The following CFLAR variants were observed in gnomAD, a reference collection of about 807,000 sequenced individuals.
CFLAR encodes CASP8 and FADD-like apoptosis regulator.
A neutral mutation model predicts 51.1 loss-of-function variants in CFLAR; 14 were observed. That is an observed-to-expected ratio of 0.27 (90% confidence interval 0.18 to 0.43). The LOEUF (loss-of-function observed/expected upper bound fraction) is 0.43. Among genes scored for constraint, CFLAR ranks in the 20% least tolerant of loss-of-function variants. The pLI, the probability that CFLAR is intolerant of heterozygous loss-of-function variation, is 1.00. For synonymous variants in CFLAR, 210 were observed against 211.6 expected (o/e 0.99, Z 0.06); for missense variants, 390 against 566.5 (o/e 0.69, Z 3.16).
rs1942884744 is a variant in CFLAR, at chr2:201,160,655, G to A, written c.1017G>A (p.Met339Ile). ...SGLPLHHIRR[M>I]FMGDSCPYLA... ...TCCCCCTGCATCACATCAGGAGGATGTTCATGGGAGATTCATGCCCTTATC... is the reference window on the plus strand; with the variant it reads ...TCCCCCTGCATCACATCAGGAGGATATTCATGGGAGATTCATGCCCTTATC... Residue 339 changes from methionine (M) to isoleucine (I), a missense_variant, in exon 9 of 10, where the codon ATG (methionine) becomes ATA (isoleucine). Coordinates refer to ENST00000309955, the MANE Select transcript of CFLAR (RefSeq NM_003879.7). The A allele has an allele frequency of 6.2e-7, 1 of 1,614,014 alleles. No individual in the cohort carries two copies. Among genetic ancestry groups the A allele is most frequent in the African/African-American group, 1.3e-5 (1 of 74,890 alleles).
At position 201,175,360 on chromosome 2, in the gene CFLAR, A is replaced by G. The variant is rs1944153778; in HGVS notation, c.*11387A>G. On this transcript the variant is annotated 3_prime_UTR_variant, in exon 10 of 10. Transcript: ENST00000309955. The stretch of plus-strand genomic sequence containing the variant: ...TAAGTTTGGCTGGGCGCAGTGGCTC[A>G]TGCCTGTAATCCCAGGACTTTGGGA... 1.3e-5 allele frequency: 2 copies of G among 152,384 alleles called. No homozygotes were observed. The highest frequency in any genetic ancestry group is 6.5e-5 in the Admixed American group (1 of 15,280). 9.4% of individuals were successfully genotyped at this position (152,384 alleles called of 1,614,324 possible).
intron 4 of CFLAR, chr2:201,139,950 G>A (rs1938157888): frequency 9.9e-6 from 2 of 202,836 alleles, no homozygotes; most frequent in South Asian, 5.6e-5. Context: ...AGGTGTGGAG[G>A]GGCAACCCAC....
intron 5 of CFLAR, 177 bp downstream of exon 5, chr2:201,140,616 T>C (rs1315022271): frequency 3.6e-6 from 2 of 553,100 alleles, no homozygotes; most frequent in African/African-American, 3.9e-5. Context: ...ACATGTTCAT[T>C]GAGATATTTG....
intron 1 of CFLAR, among the ~76,000 whole-genome samples, chr2:201,122,992 C>T (rs752064044): frequency 3.3e-5 from 5 of 152,132 alleles, no homozygotes; most frequent in African/African-American, 7.2e-5. Context: ...ACTCTTGGCC[C>T]GTTAGTTACA....
intron 4 of CFLAR, chr2:201,139,966 C>A: frequency 4.2e-6 from 1 of 235,378 alleles, no homozygotes; most frequent in Non-Finnish European, 8.5e-6. Context: ...CCCACCCCTT[C>A]AGCGCAGTGA....
At chr2:201,154,922 A>G (rs1400808616) in intron 8 of CFLAR, among the ~76,000 whole-genome samples, 1 of 152,262 alleles carries the variant, frequency 6.6e-6, no homozygotes, top group Non-Finnish European at 1.5e-5. Context: ...AAATAAGGTT[A>G]TTCTTTGGTA....
chr2:201,137,870 G>T lies in CFLAR; in HGVS notation c.523+1763G>T, dbSNP rs953966001. On this transcript the variant is annotated intron_variant, in intron 4 of 9. Coordinates refer to ENST00000309955, the MANE Select transcript of CFLAR (RefSeq NM_003879.7). The stretch of plus-strand genomic sequence containing the variant: ...TTCCGTCTGAGAAGAAGCACTCGCC[G>T]GGGGCCTCCATGGTGGCGGCCAGCA... 4 of 828,782 alleles carry T rather than the reference G, an allele frequency of 4.8e-6. No individual in the cohort carries two copies. The Admixed American group carries it at 6.8e-5, about 14-fold the overall frequency. The allele number at this position is 828,782 out of a possible 1,614,324, so 51.3% of individuals were successfully genotyped here.
chr2:201,133,216 C>A, intron 3 of CFLAR, 82 bp downstream of exon 3: 1 of 1,014,570 alleles, frequency 9.9e-7, no homozygotes, highest in South Asian at 1.4e-5. Flanking sequence ...GAGAGGGAAG[C>A]AGGCAGTCTG....
chr2:201,134,167 G>A (rs1575669195), intron 3 of CFLAR, among the ~76,000 whole-genome samples: 1 of 151,730 alleles, frequency 6.6e-6, no homozygotes, highest in African/African-American at 2.4e-5. Context: ...AAAATTAGCC[G>A]GGCGTGGTGG....
At chr2:201,139,407 A>G (rs952355219) in intron 4 of CFLAR, 6 of 188,570 alleles carry the variant, frequency 3.2e-5, no homozygotes, top group Non-Finnish European at 6.6e-5. Flanking sequence ...ACCGTCCCCC[A>G]GCCCGACACC....
Position 201,138,229 on chromosome 2 carries a change from C to T in CFLAR, c.523+2122C>T. 2 of 927,434 alleles carry T rather than the reference C, an allele frequency of 2.2e-6. No homozygotes were observed. The highest frequency in any genetic ancestry group is 3.4e-5 in the Admixed American group (2 of 58,710). The allele number at this position is 927,434 out of a possible 1,614,324, so 57.5% of individuals were successfully genotyped here. On this transcript the variant is annotated intron_variant, in intron 4 of 9. Coordinates refer to ENST00000309955, the MANE Select transcript of CFLAR (RefSeq NM_003879.7). The surrounding 1 kb of genome is among the most constrained non-coding windows in gnomAD (Gnocchi z 4.0). ...CCATGGCGATCTGATACACCGAGTT[C>T]CCTTGGGACGAGTCCAAGCCTATGA... is the stretch of plus-strand genomic sequence containing the variant.
At chr2:201,134,586 G>A (rs920047321) in intron 3 of CFLAR, among the ~76,000 whole-genome samples, 3 of 151,590 alleles carry the variant, frequency 2.0e-5, no homozygotes, top group African/African-American at 7.3e-5. Flanking sequence ...AGTAAGCCAA[G>A]ATTGTGCTAT....
intron 2 of CFLAR, 34 bp downstream of exon 2, chr2:201,130,180 T>C: frequency 2.5e-5 from 2 of 79,258 alleles, no homozygotes; most frequent in Non-Finnish European, 5.6e-5. Context: ...GCTGGGTGGG[T>C]GGGAGGGAGT....
At position 201,163,895 on chromosome 2, in the gene CFLAR, CAG is replaced by C; in HGVS notation, c.1368_1369del (p.Arg456SerfsTer38). Reference protein sequence around the residue: ...LNGYMYDWNSRVSAKEKYYVW... With the variant: ...LNGYMYDWNSXVSAKEKYYVW... ...ATGGCTACATGTATGATTGGAACAG[CAG>C]AGTTTCTGCCAAGGAGAAATATTAT... On this transcript the variant is annotated frameshift_variant, in exon 10 of 10. Transcript: ENST00000309955. LOFTEE classifies it high-confidence loss of function. 6.2e-7 allele frequency: 1 copy of C among 1,614,134 alleles called. No individual in the cohort carries two copies. Among genetic ancestry groups the C allele is most frequent in the Non-Finnish European group, 8.5e-7 (1 of 1,180,000 alleles).
rs981189806 is a variant in CFLAR, at chr2:201,171,309, G to C, written c.*7336G>C. 1 of 146,964 alleles carries C rather than the reference G, an allele frequency of 6.8e-6. No individual in the cohort carries two copies. Among genetic ancestry groups the C allele is most frequent in the East Asian group, 2.0e-4 (1 of 5,080 alleles). 9.1% of individuals were successfully genotyped at this position (146,964 alleles called of 1,614,324 possible). A position where few individuals can be genotyped will look rare whatever the true frequency, so the allele number is the denominator to read the frequency against. On this transcript the variant is annotated 3_prime_UTR_variant, in exon 10 of 10. Transcript: ENST00000309955. ...CCCAAACACCTATGGAAATAATTTT[G>C]TTTTTTTTTTTAAAAAAGGAATGAG...
rs1013350875 is a variant in CFLAR at position 201,149,634 on chromosome 2, GTGTC to G, written c.712-116_712-113del. 17 of 684,174 alleles carry G rather than the reference GTGTC, an allele frequency of 2.5e-5. No homozygotes were observed. The African/African-American group carries it at 2.9e-4, about 12-fold the overall frequency. 42.4% of individuals were successfully genotyped at this position (684,174 alleles called of 1,614,324 possible). ...TTGCCGTAATGGGAAACTTCAGGCTGTGTCTGTTGAGTGACTCACCTGCCAAAGG... is the reference window on the plus strand; with the variant it reads ...TTGCCGTAATGGGAAACTTCAGGCTGTGTTGAGTGACTCACCTGCCAAAGG... On this transcript the variant is annotated intron_variant, in intron 7 of 9. Coordinates refer to ENST00000309955, the MANE Select transcript of CFLAR (RefSeq NM_003879.7).
chr2:201,162,552 C>A, intron 9 of CFLAR: 1 of 189,446 alleles, frequency 5.3e-6, no homozygotes. Flanking sequence ...TTCTCTTTCT[C>A]TGAAGGTATC....
At chr2:201,162,251 C>T (rs1234599697) in intron 9 of CFLAR, among the ~76,000 whole-genome samples, 43 of 151,896 alleles carry the variant, frequency 2.8e-4, no homozygotes, top group Non-Finnish European at 4.4e-5. Flanking sequence ...TACAGGCGCA[C>T]ACCACTACGG....
chr2:201,130,025 G>A lies in CFLAR; in HGVS notation c.160G>A (p.Asp54Asn). The A allele has an allele frequency of 6.2e-7, 1 of 1,614,156 alleles. No individual in the cohort carries two copies. Among genetic ancestry groups the A allele is most frequent in the South Asian group, 1.1e-5 (1 of 91,086 alleles). ...LRERGKLSVG[D>N]LAELLYRVRR... ...GGAAAGAGGTAAGCTGTCTGTCGGG[G>A]ACTTGGCTGAACTGCTCTACAGAGT... Residue 54 changes from aspartate to asparagine, a missense_variant, in exon 2 of 10, where the codon GAC (aspartate) becomes AAC (asparagine). Coordinates refer to ENST00000309955, the MANE Select transcript of CFLAR (RefSeq NM_003879.7).
Sources: gnomAD v4.1 joint callset for allele counts (sites outside exome capture counted in the v4.1 genomes callset) on GRCh38, gnomAD v4.1.1 for gene constraint, Gnocchi (gnomAD v3.1) non-coding constraint, MANE v1.5 for transcripts, NCBI Gene and HGNC (gene_info 2026-07-23, HGNC 2026-07-21) for gene names.